SNX27: variants seen among roughly 807,000 people sequenced by gnomAD.
SNX27 encodes the protein sorting nexin-27.
A neutral mutation model predicts 71.6 loss-of-function variants in SNX27; 22 were observed. The observed-to-expected ratio is 0.31, with a 90% CI of 0.22 to 0.44. The LOEUF is 0.44. Among genes scored for constraint, SNX27 ranks in the 20% least tolerant of loss-of-function variants. The pLI is 1.00. For missense variants in SNX27, 531 were observed against 698.6 expected, an observed-to-expected ratio of 0.76 and a Z score of 2.70; for synonymous variants, 269 against 277.2, an observed-to-expected ratio of 0.97 and a Z score of 0.29.
chr1:151,623,211 G>T (rs143655709), intron 1 of SNX27, among the ~76,000 whole-genome samples: 1 of 152,002 alleles, frequency 6.6e-6, no homozygotes, highest in Admixed American at 6.6e-5. Context: ...GCACGATTTT[G>T]GCTTACTGCA....
At chr1:151,614,899 G>T (rs570019559) in intron 1 of SNX27, among the ~76,000 whole-genome samples, 1 of 152,112 alleles carries the variant, frequency 6.6e-6, no homozygotes, top group Non-Finnish European at 1.5e-5. Flanking sequence ...GCAGATACAC[G>T]CACACATCCC....
At chr1:151,662,379 G>A (rs750029217) in intron 5 of SNX27, 109 bp downstream of exon 5, 62 of 605,292 alleles carry the variant, frequency 1.0e-4, no homozygotes, top group Non-Finnish European at 1.5e-4. Flanking sequence ...CACATAATCC[G>A]TTTATTAAAT....
chr1:151,627,934 T>C (rs764325072), intron 1 of SNX27, among the ~76,000 whole-genome samples: 1 of 152,052 alleles, frequency 6.6e-6, no homozygotes, highest in Non-Finnish European at 1.5e-5. Flanking sequence ...AATACATATA[T>C]AGTAGCCTTT....
At position 151,612,070 on chromosome 1, in the gene SNX27, T is replaced by C. The variant is rs1667198005; in HGVS notation, c.-132T>C. 1.9e-6 allele frequency: 2 copies of C among 1,034,922 alleles called. No individual in the cohort carries two copies. The highest frequency in any genetic ancestry group is 2.5e-6 in the Non-Finnish European group (2 of 790,020). 64.1% of individuals were successfully genotyped at this position (1,034,922 alleles called of 1,614,324 possible). On this transcript the variant is annotated 5_prime_UTR_variant, in exon 1 of 12. Transcript: ENST00000458013. This position sits in a 1 kb window ranked among gnomAD's most constrained non-coding sequence, Gnocchi z 5.2. ...TCTTCACCCCGCGCCAGCAGCTCGG[T>C]GGCCGAGTCGGTCCCGCGGCCGGCG...
At position 151,692,406 on chromosome 1, in the gene SNX27, CTT is replaced by C. The variant is rs61159507; in HGVS notation, c.1240-4_1240-3del. On this transcript the variant is annotated intron_variant, in intron 8 of 11. Coordinates refer to ENST00000458013, the MANE Select transcript of SNX27 (RefSeq NM_001330723.2). ...TAACCCTGTTTCCTGTTTCTCCTTC[CTT>C]TTTTTTTTTTTTTTTTTTTTTTTTA... is the stretch of plus-strand genomic sequence containing the variant. The C allele has an allele frequency of 0.027, 22,964 of 844,150 alleles. 144 individuals carry two copies. The highest frequency in any genetic ancestry group is 0.095 in the East Asian group (1,885 of 19,908). The allele number at this position is 844,150 out of a possible 1,614,324, so 52.3% of individuals were successfully genotyped here. A position where few individuals can be genotyped will look rare whatever the true frequency, so the allele number is the denominator to read the frequency against.
intron 1 of SNX27, among the ~76,000 whole-genome samples, chr1:151,622,930 A>G (rs766255672): frequency 3.9e-5 from 6 of 151,980 alleles, no homozygotes; most frequent in Non-Finnish European, 8.8e-5. Context: ...CTGGGACCAC[A>G]TGCATGTACT....
At chr1:151,656,116 G>A (rs533752312) in intron 2 of SNX27, among the ~76,000 whole-genome samples, 1 of 152,010 alleles carries the variant, frequency 6.6e-6, no homozygotes, top group Non-Finnish European at 1.5e-5. Context: ...TCAGCTACTT[G>A]GGAGGCAGAG....
intron 1 of SNX27, among the ~76,000 whole-genome samples, chr1:151,637,220 G>GGAGTGCA (rs1668505890): frequency 6.8e-6 from 1 of 147,032 alleles, no homozygotes; most frequent in Non-Finnish European, 1.5e-5. Context: ...GCTGGAGTGC[G>GGAGTGCA]GAGTGCAGAG....
chr1:151,653,083 A>G (rs191515761), intron 2 of SNX27, among the ~76,000 whole-genome samples: 1 of 151,966 alleles, frequency 6.6e-6, no homozygotes, highest in East Asian at 1.9e-4. Flanking sequence ...ATGTGCCACC[A>G]TGCCTGGCTA....
At chr1:151,635,464 A>G (rs1668423228) in intron 1 of SNX27, among the ~76,000 whole-genome samples, 1 of 152,168 alleles carries the variant, frequency 6.6e-6, no homozygotes, top group African/African-American at 2.4e-5. Context: ...AAGAATTTAT[A>G]TTTTGCATTA....
intron 1 of SNX27, among the ~76,000 whole-genome samples, chr1:151,631,929 C>G (rs868780024): frequency 1.3e-5 from 2 of 152,174 alleles, no homozygotes; most frequent in African/African-American, 4.8e-5. Flanking sequence ...CCCACTGCGG[C>G]CTCCCAAAGT....
At chr1:151,631,584 T>G (rs921267045) in intron 1 of SNX27, among the ~76,000 whole-genome samples, 1 of 152,256 alleles carries the variant, frequency 6.6e-6, no homozygotes, top group Non-Finnish European at 1.5e-5. Context: ...TTTGATGTAC[T>G]TCAGTGTCTT....
intron 8 of SNX27, among the ~76,000 whole-genome samples, chr1:151,690,725 G>A (rs1321438409): frequency 6.6e-6 from 1 of 152,044 alleles, no homozygotes; most frequent in Non-Finnish European, 1.5e-5. Flanking sequence ...GGGATTACAA[G>A]TGTGAGCCAC....
chr1:151,639,040 A>T lies in SNX27; in HGVS notation c.464A>T (p.Tyr155Phe). Residue 155 changes from tyrosine to phenylalanine, a missense_variant, in exon 2 of 12, where the codon TAT becomes TTT. Tyr to Phe is a conservative substitution (Grantham distance 22, BLOSUM62 3). Transcript: ENST00000458013. Reference sequence around the variant, plus strand: ...GACGACTCGTTGGGACAATCATTTTATGATTACACAGAAAAGCAAGCAGTG... The same window carrying T: ...GACGACTCGTTGGGACAATCATTTTTTGATTACACAGAAAAGCAAGCAGTG... ...PSDDSLGQSF[Y>F]DYTEKQAVPI... 1 of 1,614,208 alleles carries T rather than the reference A, an allele frequency of 6.2e-7. No homozygotes were observed. The highest frequency in any genetic ancestry group is 8.5e-7 in the Non-Finnish European group (1 of 1,180,044).
At chr1:151,685,348 G>C (rs1422724833) in intron 8 of SNX27, 2 of 152,090 alleles carry the variant, frequency 1.3e-5, no homozygotes, top group Admixed American at 6.5e-5. Context: ...CTTTTCAGGA[G>C]AGAATATTGA....
intron 11 of SNX27, chr1:151,694,011 G>A: frequency 8.2e-7 from 1 of 1,214,556 alleles, no homozygotes; most frequent in Non-Finnish European, 1.0e-6. Context: ...AGAATCAGGA[G>A]GTCAAGTCAA....
At position 151,667,746 on chromosome 1, in the gene SNX27, G is replaced by C. The variant is rs796352814; in HGVS notation, c.986-726G>C. On this transcript the variant is annotated intron_variant, in intron 6 of 11. Coordinates refer to ENST00000458013, the MANE Select transcript of SNX27 (RefSeq NM_001330723.2). ...GGAGGCTGAGGCAGGAGAATGGCGT[G>C]AACCTGGGAGGCGGAGCTTGCAGTG... Among the ~76,000 whole-genome samples the C allele has an allele frequency of 2.0e-3, 288 of 147,148 alleles. 2 individuals are homozygous for C. The highest frequency in any genetic ancestry group is 6.7e-3 in the African/African-American group (269 of 40,080).
chr1:151,684,457 T>A (rs1052270476), intron 8 of SNX27, among the ~76,000 whole-genome samples: 2 of 152,164 alleles, frequency 1.3e-5, no homozygotes, highest in African/African-American at 4.8e-5. Context: ...TGGCTTTAAA[T>A]TCATTTTCAA....
intron 2 of SNX27, among the ~76,000 whole-genome samples, chr1:151,647,349 C>T (rs1368084816): frequency 6.6e-6 from 1 of 150,910 alleles, no homozygotes; most frequent in African/African-American, 2.4e-5. Context: ...AGGATTTCAC[C>T]ATGTTGGCCA....
Sources: allele counts gnomAD v4.1 joint callset (sites outside exome capture counted in the v4.1 genomes callset), GRCh38; gene constraint gnomAD v4.1.1; non-coding constraint Gnocchi (gnomAD v3.1); transcripts MANE v1.5; gene names NCBI Gene and HGNC (gene_info 2026-07-23, HGNC 2026-07-21).